CCDC171: variants seen among roughly 807,000 people sequenced by gnomAD.
CCDC171 encodes coiled-coil domain containing 171.
CCDC171 carries 177 observed loss-of-function variants against 168.2 expected under a neutral mutation model. That is an observed-to-expected ratio of 1.05 (90% CI 0.93 to 1.19). CCDC171 has a LOEUF of 1.19. CCDC171 is among the 50% of genes most tolerant of loss of function. The probability of loss-of-function intolerance (pLI) is 0.00; values close to 1 mark genes in which losing one functional copy is unlikely to be tolerated. For missense variants in CCDC171, 1,991 were observed against 1,539.0 expected (o/e 1.29, Z -4.91); for synonymous variants, 687 against 540.8 (o/e 1.27, Z -3.75).
intron 24 of CCDC171, among the ~76,000 whole-genome samples, chr9:15,883,804 C>A (rs1819028242): frequency 6.6e-6 from 1 of 152,092 alleles, no homozygotes; most frequent in African/African-American, 2.4e-5. Flanking sequence ...TCTTTAAAAA[C>A]AAGGTAGATT....
upstream of CCDC171, among the ~76,000 whole-genome samples, chr9:16,042,109 C>G (rs950035385): frequency 6.6e-6 from 1 of 152,206 alleles, no homozygotes; most frequent in Non-Finnish European, 1.5e-5. Flanking sequence ...ACTCAGTCAG[C>G]TAGTTCGTCG....
At chr9:15,610,024 CCTTT>C (rs910254149) in intron 6 of CCDC171, among the ~76,000 whole-genome samples, 11 of 151,880 alleles carry the variant, frequency 7.2e-5, no homozygotes, top group African/African-American at 2.7e-4. Context: ...TATATTGCAG[CCTTT>C]CTATTACATT....
chr9:15,679,906 A>T (rs959549768), intron 10 of CCDC171, among the ~76,000 whole-genome samples: 1 of 152,154 alleles, frequency 6.6e-6, no homozygotes. Context: ...TTTTACCTGC[A>T]ATGACTAAAA....
intron 3 of CCDC171, among the ~76,000 whole-genome samples, chr9:15,572,507 G>C (rs2131094993): frequency 6.6e-6 from 1 of 152,154 alleles, no homozygotes; most frequent in East Asian, 1.9e-4. Flanking sequence ...TGGTCCCAAA[G>C]GGTTGTTGTG....
At chr9:15,987,339 G>A (rs556667111) in intron 3 of CCDC171, among the ~76,000 whole-genome samples, 1 of 152,098 alleles carries the variant, frequency 6.6e-6, no homozygotes, top group South Asian at 2.1e-4. Context: ...TTACCTGGGT[G>A]ACAAAATCAT....
At chr9:15,681,134 G>T (rs76656127) in intron 10 of CCDC171, among the ~76,000 whole-genome samples, 2 of 151,996 alleles carry the variant, frequency 1.3e-5, no homozygotes, top group Non-Finnish European at 2.9e-5. Context: ...TTGTTTTCCT[G>T]TTGGGACCGT....
chr9:15,691,916 C>T (rs1032498402), intron 10 of CCDC171, among the ~76,000 whole-genome samples: 6 of 152,066 alleles, frequency 3.9e-5, no homozygotes, highest in African/African-American at 1.4e-4. Flanking sequence ...GGGCTTGATC[C>T]TCTTGCCTTG....
chr9:15,900,821 T>C (rs1821529830), intron 24 of CCDC171, among the ~76,000 whole-genome samples: 1 of 152,182 alleles, frequency 6.6e-6, no homozygotes, highest in Non-Finnish European at 1.5e-5. Context: ...TTCCTGATTC[T>C]AGGGTCCTTA....
At chr9:16,009,134 G>A (rs1832787631) in intron 3 of CCDC171, among the ~76,000 whole-genome samples, 1 of 152,072 alleles carries the variant, frequency 6.6e-6, no homozygotes, top group Admixed American at 6.5e-5. Flanking sequence ...GAACAGTTTA[G>A]GTCCTCTTTA....
At chr9:15,610,215 T>C (rs1461225876) in intron 6 of CCDC171, among the ~76,000 whole-genome samples, 1 of 151,512 alleles carries the variant, frequency 6.6e-6, no homozygotes, top group Non-Finnish European at 1.5e-5. Flanking sequence ...TGGTCTTGTC[T>C]TCTTTTCTTT....
chr9:15,830,020 T>C (rs7853744), intron 21 of CCDC171, among the ~76,000 whole-genome samples: 71,973 of 151,994 alleles, frequency 0.47, 17,498 homozygotes, highest in African/African-American at 0.58. Context: ...GATAATCTGT[T>C]TTCTTCAGTA....
At chr9:15,825,890 A>AG (rs2059992083) in intron 21 of CCDC171, among the ~76,000 whole-genome samples, 1 of 152,178 alleles carries the variant, frequency 6.6e-6, no homozygotes, top group South Asian at 2.1e-4. Context: ...AAGCTTCCAG[A>AG]GGATTAACAT....
intron 9 of CCDC171, among the ~76,000 whole-genome samples, chr9:15,672,532 G>T (rs1175603745): frequency 1.3e-5 from 2 of 152,116 alleles, no homozygotes; most frequent in South Asian, 2.1e-4. Context: ...TTTTGTATAA[G>T]GTGTAAGGAA....
chr9:15,640,288 C>G (rs1380276496), intron 7 of CCDC171, among the ~76,000 whole-genome samples: 1 of 152,090 alleles, frequency 6.6e-6, no homozygotes, highest in Non-Finnish European at 1.5e-5. Context: ...TTCTCTTTTA[C>G]ATGGCAGTTC....
intron 6 of CCDC171, among the ~76,000 whole-genome samples, chr9:15,594,632 A>G (rs1487002471): frequency 1.3e-5 from 2 of 152,130 alleles, no homozygotes; most frequent in Non-Finnish European, 2.9e-5. Flanking sequence ...CTATAGTCCA[A>G]TTTGAAAATT....
chr9:15,970,422 A>G (rs183899989), intron 25 of CCDC171, among the ~76,000 whole-genome samples: 2 of 151,950 alleles, frequency 1.3e-5, no homozygotes, highest in African/African-American at 2.4e-5. Flanking sequence ...ACCCTGCAAT[A>G]TAGAGTATGA....
At chr9:15,590,847 CT>C (rs1206919156) in intron 4 of CCDC171, among the ~76,000 whole-genome samples, 1 of 111,894 alleles carries the variant, frequency 8.9e-6, no homozygotes, top group African/African-American at 3.3e-5. Flanking sequence ...TTCTTTCTTT[CT>C]TTCTTTTTTC....
chr9:16,088,121 C>T, the CCDC171 span, among the ~76,000 whole-genome samples: 1 of 152,150 alleles, frequency 6.6e-6, no homozygotes, highest in South Asian at 2.1e-4. Flanking sequence ...ATGACAAAAA[C>T]CACATGATTA....
At chr9:16,062,941 G>A (rs764275746), downstream of CCDC171, among the ~76,000 whole-genome samples, 1 of 152,134 alleles carries the variant, frequency 6.6e-6, no homozygotes, top group African/African-American at 2.4e-5. Flanking sequence ...TGATATTTTG[G>A]AACTAAATAG....
Sources: allele counts gnomAD v4.1 joint callset (sites outside exome capture counted in the v4.1 genomes callset), GRCh38; gene constraint gnomAD v4.1.1; transcripts MANE v1.5; gene names NCBI Gene and HGNC (gene_info 2026-07-23, HGNC 2026-07-21).